Variants in UNC5D observed in about 807,000 individuals in gnomAD.
The protein encoded by UNC5D is unc-5 netrin receptor D.
A neutral mutation model predicts 105.4 loss-of-function variants in UNC5D; 39 were observed. The ratio of observed to expected loss-of-function variants is 0.37; its 90% confidence interval spans 0.29 to 0.48. The LOEUF is 0.48. UNC5D is among the 20% of genes least tolerant of loss of function. The pLI is 0.98. For synonymous variants in UNC5D, 452 were observed against 450.4 expected (o/e 1.00, Z -0.04); for missense variants, 991 against 1,202.4 (o/e 0.82, Z 2.60).
At chr8:35,376,608 T>C (rs1257976373) in intron 1 of UNC5D, among the ~76,000 whole-genome samples, 3 of 152,170 alleles carry the variant, frequency 2.0e-5, no homozygotes, top group Non-Finnish European at 4.4e-5. Flanking sequence ...TGATGAAAAT[T>C]TGTGGGAAGA....
At chr8:35,423,438 A>G (rs1272572821) in intron 1 of UNC5D, among the ~76,000 whole-genome samples, 1 of 152,214 alleles carries the variant, frequency 6.6e-6, no homozygotes, top group Non-Finnish European at 1.5e-5. Context: ...ATTGTCTTTT[A>G]CACACATAAG....
chr8:35,560,010 C>G (rs1206964629), intron 2 of UNC5D, among the ~76,000 whole-genome samples: 1 of 152,202 alleles, frequency 6.6e-6, no homozygotes, highest in Non-Finnish European at 1.5e-5. Flanking sequence ...CAACGTTAGT[C>G]TATCTACAAC....
chr8:35,441,212 C>T (rs1443931283), intron 1 of UNC5D, among the ~76,000 whole-genome samples: 3 of 151,924 alleles, frequency 2.0e-5, no homozygotes, highest in Non-Finnish European at 4.4e-5. Flanking sequence ...TACTCCTCAC[C>T]TATCCATGGT....
chr8:35,440,701 A>G (rs1273303037), intron 1 of UNC5D, among the ~76,000 whole-genome samples: 1 of 151,952 alleles, frequency 6.6e-6, no homozygotes, highest in Non-Finnish European at 1.5e-5. Context: ...ATATTAATAC[A>G]TATGGAAGCG....
intron 3 of UNC5D, among the ~76,000 whole-genome samples, chr8:35,590,244 A>T (rs116461455): frequency 0.013 from 1,980 of 149,714 alleles, 40 homozygotes; most frequent in African/African-American, 0.045. Context: ...TGTTTTAGAT[A>T]AAAAAAAAAT....
intron 1 of UNC5D, among the ~76,000 whole-genome samples, chr8:35,342,658 G>A (rs1045621229): frequency 1.3e-5 from 2 of 152,020 alleles, no homozygotes; most frequent in African/African-American, 2.4e-5. Context: ...TAAAGGAAAC[G>A]TGGGATACTT....
intron 1 of UNC5D, among the ~76,000 whole-genome samples, chr8:35,520,513 T>C (rs974548857): frequency 4.6e-5 from 7 of 152,146 alleles, no homozygotes; most frequent in Non-Finnish European, 1.0e-4. Flanking sequence ...TGTGACTATA[T>C]TAGAACCATT....
intron 4 of UNC5D, among the ~76,000 whole-genome samples, chr8:35,607,953 C>G (rs541918850): frequency 7.7e-4 from 118 of 152,274 alleles, no homozygotes; most frequent in South Asian, 4.8e-3. Context: ...ACATGGTGTT[C>G]TCCTCTCTGT....
At chr8:35,657,050 G>A (rs1489993788) in intron 4 of UNC5D, among the ~76,000 whole-genome samples, 1 of 72,702 alleles carries the variant, frequency 1.4e-5, no homozygotes, top group African/African-American at 8.4e-5. Flanking sequence ...AGTGGAGTGT[G>A]TGTGTGTGTG....
At chr8:35,761,264 G>A (rs948338873) in intron 14 of UNC5D, among the ~76,000 whole-genome samples, 8 of 152,260 alleles carry the variant, frequency 5.3e-5, no homozygotes, top group Admixed American at 5.2e-4. Flanking sequence ...GGTTATAAGG[G>A]CCTCATTTCA....
intron 9 of UNC5D, 49 bp from the exon 10 acceptor site, chr8:35,726,103 C>A: frequency 6.4e-7 from 1 of 1,565,652 alleles, no homozygotes; most frequent in South Asian, 1.2e-5. Context: ...ACAGGAGTAA[C>A]TGAGATGCCT....
chr8:35,683,711 C>T lies in UNC5D; in HGVS notation c.735C>T (p.Ala245=). The change falls in exon 5 of 17, where the codon GCC becomes GCT. Residue 245 remains alanine, a synonymous_variant. Coordinates refer to ENST00000404895, the MANE Select transcript of UNC5D (RefSeq NM_080872.4). ...TGGCTAAGAGGAGAAGCCTGTCGGC[C>T]ACTGTTGTGGTCTACGGTAAGACCA... is the stretch of plus-strand genomic sequence containing the variant. ...NIVAKRRSLS[A]TVVVYVNGGW... is the part of the protein sequence containing the mutation. 5.2e-6 allele frequency: 8 copies of T among 1,551,314 alleles called. No homozygotes were observed. Among genetic ancestry groups the T allele is most frequent in the Non-Finnish European group, 6.0e-6 (7 of 1,157,990 alleles).
At chr8:35,769,736 A>G (rs956458480) in intron 15 of UNC5D, among the ~76,000 whole-genome samples, 3 of 152,100 alleles carry the variant, frequency 2.0e-5, no homozygotes, top group Non-Finnish European at 2.9e-5. Context: ...AGGGCGAGGT[A>G]GGCGGATCAC....
intron 4 of UNC5D, among the ~76,000 whole-genome samples, chr8:35,599,603 G>A (rs576707632): frequency 3.3e-5 from 5 of 152,000 alleles, no homozygotes; most frequent in African/African-American, 1.2e-4. Flanking sequence ...AATATTTAAG[G>A]TTATCCCAGG....
chr8:35,638,232 T>C (rs1822497548), intron 4 of UNC5D, among the ~76,000 whole-genome samples: 1 of 152,136 alleles, frequency 6.6e-6, no homozygotes, highest in South Asian at 2.1e-4. Context: ...TTACGCATAG[T>C]AACTTAAATA....
intron 16 of UNC5D, among the ~76,000 whole-genome samples, chr8:35,775,628 A>G (rs16884431): frequency 0.045 from 6,786 of 151,546 alleles, 376 homozygotes; most frequent in African/African-American, 0.13. Flanking sequence ...TTCAGGCAAA[A>G]CCTTATTTTC....
intron 1 of UNC5D, among the ~76,000 whole-genome samples, chr8:35,282,710 C>CAAAAAAAAAAA (rs200599461): frequency 7.4e-6 from 1 of 135,946 alleles, no homozygotes. Context: ...TATTAAAAGA[C>CAAAAAAAAAAA]AAAAAAAAAA....
intron 1 of UNC5D, among the ~76,000 whole-genome samples, chr8:35,455,572 C>G (rs1215865703): frequency 6.6e-6 from 1 of 151,902 alleles, no homozygotes; most frequent in Non-Finnish European, 1.5e-5. Context: ...AACCACCACA[C>G]CAGGCCAAAG....
chr8:35,584,610 G>T (rs1243104082), intron 3 of UNC5D, among the ~76,000 whole-genome samples: 2 of 151,674 alleles, frequency 1.3e-5, no homozygotes, highest in South Asian at 4.2e-4. Flanking sequence ...TCCTGGTTTT[G>T]TTTGTTTGTT....
Sources: allele counts gnomAD v4.1 joint callset (sites outside exome capture counted in the v4.1 genomes callset), GRCh38; gene constraint gnomAD v4.1.1; transcripts MANE v1.5; gene names NCBI Gene and HGNC (gene_info 2026-07-23, HGNC 2026-07-21).